The following CAMTA1 variants were observed in gnomAD, a reference collection of about 807,000 sequenced individuals.
CAMTA1 encodes the protein calmodulin binding transcription activator 1.
A neutral mutation model predicts 170.9 loss-of-function variants in CAMTA1; 27 were observed. That is an observed-to-expected ratio of 0.16 (90% CI 0.12 to 0.22). The LOEUF (loss-of-function observed/expected upper bound fraction) is 0.22. CAMTA1 is among the 10% of genes least tolerant of loss of function. The pLI, the probability that CAMTA1 is intolerant of heterozygous loss-of-function variation, is 1.00. For missense variants in CAMTA1, 1,619 were observed against 2,217.2 expected, an observed-to-expected ratio of 0.73 and a Z score of 5.42; for synonymous variants, 833 against 891.5, an observed-to-expected ratio of 0.93 and a Z score of 1.17.
At chr1:7,330,050 C>T (rs1328284056) in intron 5 of CAMTA1, among the ~76,000 whole-genome samples, 3 of 152,120 alleles carry the variant, frequency 2.0e-5, no homozygotes, top group South Asian at 2.1e-4. Context: ...CACTTTCTCT[C>T]GGGCTTCTAG....
At chr1:6,978,029 G>A (rs1693763014) in intron 3 of CAMTA1, among the ~76,000 whole-genome samples, 1 of 152,164 alleles carries the variant, frequency 6.6e-6, no homozygotes. Context: ...CGTGGAGGTA[G>A]AGGGTAGAAG....
At chr1:6,806,757 T>C (rs1026908564) in intron 1 of CAMTA1, among the ~76,000 whole-genome samples, 37 of 152,200 alleles carry the variant, frequency 2.4e-4, no homozygotes, top group Non-Finnish European at 4.1e-4. Flanking sequence ...ACATTCTGGT[T>C]AATAGAGAAC....
At chr1:7,099,436 C>G (rs778443496) in intron 4 of CAMTA1, among the ~76,000 whole-genome samples, 1 of 152,156 alleles carries the variant, frequency 6.6e-6, no homozygotes, top group Non-Finnish European at 1.5e-5. Context: ...GAAAAGATAG[C>G]AGCCTCTGCA....
At chr1:7,149,196 T>C (rs1200066029) in intron 4 of CAMTA1, among the ~76,000 whole-genome samples, 2 of 152,192 alleles carry the variant, frequency 1.3e-5, no homozygotes, top group African/African-American at 2.4e-5. Context: ...CCGCAGGGAA[T>C]TGGGAGTCCC....
intron 4 of CAMTA1, among the ~76,000 whole-genome samples, chr1:7,152,704 C>A (rs1436382810): frequency 6.6e-6 from 1 of 152,184 alleles, no homozygotes; most frequent in Non-Finnish European, 1.5e-5. Context: ...CTGAGTCCCT[C>A]CCAGCCCGAG....
chr1:7,310,674 T>C lies in CAMTA1; in HGVS notation c.438+61048T>C, dbSNP rs1357450931. On this transcript the variant is annotated intron_variant, in intron 5 of 22. Transcript: ENST00000303635. ...TTCTTTCTTTCTTTCTTTCTTTCCT[T>C]TCTTTCTCTCTCTCTCTCTCTCTCT... Among the ~76,000 whole-genome samples, 265 of 31,992 alleles carry C rather than the reference T, an allele frequency of 8.3e-3. 4 individuals are homozygous for C. The highest frequency in any genetic ancestry group is 0.024 in the Admixed American group (58 of 2,410). The allele number at this position is 31,992 out of a possible 152,430, so 21.0% of individuals were successfully genotyped here.
intron 5 of CAMTA1, among the ~76,000 whole-genome samples, chr1:7,466,351 G>C (rs1185953271): frequency 6.6e-6 from 1 of 152,214 alleles, no homozygotes. Flanking sequence ...GGTTTATACA[G>C]GGCTTAAGTC....
At chr1:7,538,554 G>A (rs1391302808) in intron 6 of CAMTA1, among the ~76,000 whole-genome samples, 1 of 152,214 alleles carries the variant, frequency 6.6e-6, no homozygotes, top group African/African-American at 2.4e-5. Context: ...GGGAGACTGA[G>A]GCAGGAAAAT....
chr1:7,346,108 A>G (rs1426759636), intron 5 of CAMTA1, among the ~76,000 whole-genome samples: 3 of 152,192 alleles, frequency 2.0e-5, no homozygotes, highest in African/African-American at 4.8e-5. Flanking sequence ...AGTGAAGTCA[A>G]TGTGTTTATA....
chr1:6,917,650 T>C (rs1681108523), intron 3 of CAMTA1, among the ~76,000 whole-genome samples: 1 of 151,552 alleles, frequency 6.6e-6, no homozygotes, highest in East Asian at 1.9e-4. Flanking sequence ...GAGAGTTCAG[T>C]TGGAGGCCGC....
At position 7,301,731 on chromosome 1, in the gene CAMTA1, T is replaced by C. The variant is rs576501384; in HGVS notation, c.438+52105T>C. On this transcript the variant is annotated intron_variant, in intron 5 of 22. Transcript: ENST00000303635. Reference sequence around the variant, plus strand: ...GGGGCGCCCAGGTCCGGGGTGCTCCTGGGATGCCTGCTGCAGAGATGCTTT... The same window carrying C: ...GGGGCGCCCAGGTCCGGGGTGCTCCCGGGATGCCTGCTGCAGAGATGCTTT... 2.6e-3 allele frequency among the ~76,000 whole-genome samples: 395 copies of C among 152,298 alleles called. 3 individuals carry two copies. Among genetic ancestry groups the C allele is most frequent in the African/African-American group, 8.7e-3 (360 of 41,554 alleles).
At chr1:7,142,253 T>G in intron 4 of CAMTA1, 1 of 469,240 alleles carries the variant, frequency 2.1e-6, no homozygotes, top group Non-Finnish European at 4.3e-6. Context: ...GCAGCCTCTC[T>G]GCTTTCTTTC....
At chr1:6,822,853 A>G (rs918449149) in intron 2 of CAMTA1, among the ~76,000 whole-genome samples, 2 of 151,972 alleles carry the variant, frequency 1.3e-5, no homozygotes, top group Non-Finnish European at 1.5e-5. Context: ...CACTCTTTAT[A>G]TACCGCACAG....
intron 6 of CAMTA1, among the ~76,000 whole-genome samples, chr1:7,541,894 C>A (rs1377354989): frequency 6.6e-6 from 1 of 152,196 alleles, no homozygotes; most frequent in African/African-American, 2.4e-5. Context: ...CTCTGCCTGG[C>A]CAACAAGATA....
At chr1:7,756,538 C>T (rs958776239) in intron 22 of CAMTA1, among the ~76,000 whole-genome samples, 2 of 151,998 alleles carry the variant, frequency 1.3e-5, no homozygotes, top group South Asian at 2.1e-4. Context: ...ATTTAGTGTC[C>T]GAAAACCATT....
chr1:7,507,523 G>C (rs550246599), intron 6 of CAMTA1, among the ~76,000 whole-genome samples: 1 of 152,352 alleles, frequency 6.6e-6, no homozygotes, highest in African/African-American at 2.4e-5. Flanking sequence ...GGGCAAACAG[G>C]CCCTTTATTA....
chr1:7,562,063 T>C lies in CAMTA1; in HGVS notation c.511-78337T>C, dbSNP rs2094964175. ...CGTGGCCAAGATGGTGATTGGGAGA[T>C]GGTGTTCAGGGAAGCCTTTGTGCCC... On this transcript the variant is annotated intron_variant, in intron 6 of 22. Transcript: ENST00000303635. The surrounding 1 kb of genome is among the most constrained non-coding windows in gnomAD (Gnocchi z 4.8). Among the ~76,000 whole-genome samples the C allele has an allele frequency of 6.6e-6, 1 of 152,070 alleles. No homozygotes were observed. Among genetic ancestry groups the C allele is most frequent in the Non-Finnish European group, 1.5e-5 (1 of 68,024 alleles).
chr1:6,940,910 G>GGAGGGGATCCT, intron 3 of CAMTA1, among the ~76,000 whole-genome samples: 1 of 100,206 alleles, frequency 1.0e-5, no homozygotes, highest in Admixed American at 1.0e-4. Flanking sequence ...GTGCTCACAG[G>GGAGGGGATCCT]CAGGGGATCC....
chr1:7,179,219 A>G (rs80022560), intron 4 of CAMTA1, among the ~76,000 whole-genome samples: 302 of 152,372 alleles, frequency 2.0e-3, no homozygotes, highest in African/African-American at 6.6e-3. Flanking sequence ...AGAGTTATAT[A>G]TCAGTCACGA....
Sources: allele counts gnomAD v4.1 joint callset (sites outside exome capture counted in the v4.1 genomes callset), GRCh38; gene constraint gnomAD v4.1.1; non-coding constraint Gnocchi (gnomAD v3.1); transcripts MANE v1.5; gene names NCBI Gene and HGNC (gene_info 2026-07-23, HGNC 2026-07-21).